The following MED23 variants were observed in gnomAD, a reference collection of about 807,000 sequenced individuals.
MED23 encodes mediator complex subunit 23, also known as mediator of RNA polymerase II transcription subunit 23.
A neutral mutation model predicts 163.9 loss-of-function variants in MED23; 105 were observed. The ratio of observed to expected loss-of-function variants is 0.64; its 90% CI spans 0.55 to 0.75. The LOEUF (loss-of-function observed/expected upper bound fraction) is 0.75, where lower values mean the gene tolerates loss of function less well. Ranked by LOEUF, MED23 falls within the 30% of genes least tolerant of loss-of-function variation. The pLI is 0.00. For missense variants in MED23, 1,054 were observed against 1,649.0 expected, an observed-to-expected ratio of 0.64 and a Z score of 6.25; for synonymous variants, 561 against 565.6, an observed-to-expected ratio of 0.99 and a Z score of 0.12.
chr6:131,590,448 A>C lies in MED23; in HGVS notation c.3687-6T>G. On this transcript the variant is annotated splice_region_variant and splice_polypyrimidine_tract_variant and intron_variant, in intron 26 of 28. Transcript: ENST00000368068. ...GAAGTACTTCAGTAAGAAACCTAAA[A>C]TTTGAAGATAAAAATCTCCTGTGAC... 6.3e-7 allele frequency: 1 copy of C among 1,598,780 alleles called. No homozygotes were observed. Among genetic ancestry groups the C allele is most frequent in the Non-Finnish European group, 8.6e-7 (1 of 1,167,052 alleles).
chr6:131,592,026 TA>T (rs901419528), intron 25 of MED23: 12 of 257,612 alleles, frequency 4.7e-5, no homozygotes, highest in Non-Finnish European at 7.4e-5. Context: ...CAGAAGTACC[TA>T]AAACATGTCT....
intron 30 of MED23, chr6:131,581,401 A>G: frequency 1.2e-6 from 2 of 1,603,784 alleles, no homozygotes; most frequent in East Asian, 4.5e-5. Flanking sequence ...TTGGTACTCT[A>G]GTGCAATAGA....
At chr6:131,618,906 T>C (rs965227112) in intron 8 of MED23, among the ~76,000 whole-genome samples, 2 of 152,330 alleles carry the variant, frequency 1.3e-5, no homozygotes, top group East Asian at 3.9e-4. Context: ...CTTAAAATAT[T>C]TACTACATGG....
chr6:131,591,781 ATTAAT>A, intron 25 of MED23: 2 of 503,630 alleles, frequency 4.0e-6, no homozygotes, highest in East Asian at 3.4e-5. Context: ...CAGTAAATCA[ATTAAT>A]TTATCAAACA....
chr6:131,618,464 C>T lies in MED23; in HGVS notation c.723G>A (p.Trp241Ter). Reference sequence around the variant, plus strand: ...AACGAAGAGTAGCAGGATCCAGTTTCCATGAATTACAAATGGCACCCGAAT... The same window carrying T: ...AACGAAGAGTAGCAGGATCCAGTTTTCATGAATTACAAATGGCACCCGAAT... Reference protein sequence around the residue: ...VNNSGAICNSWKLDPATLRFP... With the variant: ...VNNSGAICNS The change falls in exon 9 of 29, where the codon TGG becomes TGA. Residue 241 changes from tryptophan (W) to a stop codon, truncating the protein, a stop_gained. Transcript: ENST00000368068. LOFTEE classifies it high-confidence loss of function. 5 of 1,614,044 alleles carry T rather than the reference C, an allele frequency of 3.1e-6. No individual in the cohort carries two copies. Among genetic ancestry groups the T allele is most frequent in the Non-Finnish European group, 3.4e-6 (4 of 1,179,972 alleles).
chr6:131,602,831 C>T (rs1360740905), intron 16 of MED23, among the ~76,000 whole-genome samples, 199 bp downstream of exon 16: 2 of 151,936 alleles, frequency 1.3e-5, no homozygotes, highest in Non-Finnish European at 2.9e-5. Context: ...AAGGACTCAA[C>T]TATCTTAATC....
At chr6:131,589,929 T>A (rs893191037) in intron 27 of MED23, among the ~76,000 whole-genome samples, 2 of 152,206 alleles carry the variant, frequency 1.3e-5, no homozygotes, top group Admixed American at 6.5e-5. Flanking sequence ...ATCCTTTGGA[T>A]TATACTTTCT....
chr6:131,617,382 C>T (rs1010444968), intron 9 of MED23, among the ~76,000 whole-genome samples: 1 of 149,568 alleles, frequency 6.7e-6, no homozygotes, highest in East Asian at 1.9e-4. Context: ...CTTCATATAC[C>T]GATTTTTAAG....
intron 24 of MED23, chr6:131,592,781 C>T (rs374043794): frequency 1.6e-6 from 1 of 610,530 alleles, no homozygotes; most frequent in South Asian, 2.0e-5. Flanking sequence ...AAATGTCAAA[C>T]TGCTATTAAT....
At chr6:131,626,200 T>C (rs563498050) in intron 3 of MED23, among the ~76,000 whole-genome samples, 37 of 151,436 alleles carry the variant, frequency 2.4e-4, no homozygotes, top group Non-Finnish European at 4.7e-4. Context: ...ATAACCCTTA[T>C]GGAAAATTTA....
At position 131,594,119 on chromosome 6, in the gene MED23, A is replaced by C; in HGVS notation, c.3212T>G (p.Leu1071Trp). ...WVPDDTYYCRLIGRLVDTMAG... is the reference protein window; with the variant it reads ...WVPDDTYYCRWIGRLVDTMAG... ...GATATTATCGACTAGTCTGCCAATCAATCTGCAATAGTAGGTGTCATCTGG... is the reference window on the plus strand; with the variant it reads ...GATATTATCGACTAGTCTGCCAATCCATCTGCAATAGTAGGTGTCATCTGG... The change falls in exon 23 of 29, where the codon TTG becomes TGG. Residue 1071 changes from leucine (L) to tryptophan (W), a missense_variant. By Grantham distance (61) the Leu-to-Trp change is moderately conservative. Transcript: ENST00000368068. 1 of 1,613,972 alleles carries C rather than the reference A, an allele frequency of 6.2e-7. No homozygotes were observed. The highest frequency in any genetic ancestry group is 8.5e-7 in the Non-Finnish European group (1 of 1,179,868).
downstream of MED23, chr6:131,582,623 T>A: frequency 6.2e-7 from 1 of 1,612,968 alleles, no homozygotes; most frequent in Non-Finnish European, 8.5e-7. Context: ...AATTTTAGAT[T>A]CCCGATGTGC....
At chr6:131,604,393 A>G (rs746666274) in intron 14 of MED23, 73 bp from the exon 15 acceptor site, 10 of 1,447,060 alleles carry the variant, frequency 6.9e-6, no homozygotes, top group Non-Finnish European at 9.6e-6. Context: ...TCTACTTAGA[A>G]GTAACTTAGT....
chr6:131,627,601 A>G (rs756060917), intron 2 of MED23, 40 bp downstream of exon 2: 2 of 1,610,946 alleles, frequency 1.2e-6, no homozygotes, highest in Admixed American at 1.7e-5. Context: ...GACAGACACA[A>G]TCACATAAAA....
chr6:131,587,496 T>C lies in MED23; in HGVS notation c.*183A>G, dbSNP rs1401238388. 32 of 1,435,206 alleles carry C rather than the reference T, an allele frequency of 2.2e-5. No homozygotes were observed. The highest frequency in any genetic ancestry group is 2.8e-5 in the Non-Finnish European group (31 of 1,098,126). 88.9% of individuals were successfully genotyped at this position (1,435,206 alleles called of 1,614,324 possible). ...ACTTGATCTCTTAGAGACAAAAATA[T>C]AGATAGGGAGATGGGAGTTATAAGG... is the stretch of plus-strand genomic sequence containing the variant. On this transcript the variant is annotated 3_prime_UTR_variant, in exon 29 of 29. Transcript: ENST00000368068.
intron 9 of MED23, among the ~76,000 whole-genome samples, chr6:131,617,532 A>G (rs1776782529): frequency 6.6e-6 from 1 of 151,640 alleles, no homozygotes; most frequent in African/African-American, 2.4e-5. Context: ...CCCATCTACC[A>G]GAATGTCTTT....
At position 131,591,520 on chromosome 6, in the gene MED23, T is replaced by C; in HGVS notation, c.3479A>G (p.Tyr1160Cys). The C allele has an allele frequency of 1.2e-6, 2 of 1,612,052 alleles. No individual in the cohort carries two copies. The highest frequency in any genetic ancestry group is 1.1e-5 in the South Asian group (1 of 91,042). The change falls in exon 26 of 29, where the codon TAT becomes TGT. Residue 1160 changes from tyrosine (Y) to cysteine (C), a missense_variant. Tyr to Cys is a radical substitution (Grantham distance 194). Transcript: ENST00000368068. ...AATTCGATCATGAAGAACAATCCAA[T>C]ATGGCTCCTTTAAAATCGGAGGAAA... ...GLIITALPEP[Y>C]WIVLHDRIVS...
chr6:131,627,969 G>A (rs1407203324), intron 1 of MED23, 42 bp downstream of exon 1: 2 of 1,613,084 alleles, frequency 1.2e-6, no homozygotes, highest in African/African-American at 2.7e-5. Flanking sequence ...GCGTCTCCCC[G>A]TCCCCAAGCC....
At chr6:131,627,527 G>C (rs1777599972) in intron 2 of MED23, 44 bp from the exon 3 acceptor site, 3 of 1,593,462 alleles carry the variant, frequency 1.9e-6, no homozygotes, top group African/African-American at 2.7e-5. Context: ...GTTTTAAAAA[G>C]GTAATTACAC....
Sources: allele counts gnomAD v4.1 joint callset (sites outside exome capture counted in the v4.1 genomes callset), GRCh38; gene constraint gnomAD v4.1.1; transcripts MANE v1.5; gene names NCBI Gene and HGNC (gene_info 2026-07-23, HGNC 2026-07-21).